The following RPL4 variants were observed in gnomAD, a reference collection of about 807,000 sequenced individuals.
RPL4 encodes ribosomal protein L4.
In RPL4, 3 loss-of-function variants were observed where a neutral mutation model predicts 47.7. The observed-to-expected ratio is 0.06, with a 90% CI of 0.03 to 0.16. The LOEUF (loss-of-function observed/expected upper bound fraction) is 0.16. Ranked by LOEUF, RPL4 falls within the 10% of genes least tolerant of loss-of-function variation. The pLI is 1.00. For synonymous variants in RPL4, 208 were observed against 182.1 expected (o/e 1.14, Z -1.15); for missense variants, 413 against 551.3 (o/e 0.75, Z 2.51).
chr15:66,502,014 G>A (rs74956204), intron 4 of RPL4, 102 bp from the exon 5 acceptor site: 312,669 of 1,433,570 alleles, frequency 0.22, 36,650 homozygotes, highest in Middle Eastern at 0.28. Context: ...ATGGTATTCC[G>A]TTTGCCAAGT....
Position 66,500,334 on chromosome 15 carries a change from G to C in RPL4, c.876C>G (p.Ile292Met). ...CTCTTTGGATCTCTGGGCTTTTCAAGATTCTGCTAAGATCTGTATTAATCA... is the reference window on the plus strand; with the variant it reads ...CTCTTTGGATCTCTGGGCTTTTCAACATTCTGCTAAGATCTGTATTAATCA... ...HKMINTDLSR[I>M]LKSPEIQRAL... The change falls in exon 8 of 10, where the codon ATC becomes ATG. Residue 292 changes from isoleucine to methionine, a missense_variant. This residue lies in a region of RPL4 where 214 missense variants were observed against 304.2 expected (regional missense o/e 0.70). Coordinates refer to ENST00000307961, the MANE Select transcript of RPL4 (RefSeq NM_000968.4). 6.2e-7 allele frequency: 1 copy of C among 1,614,156 alleles called. No individual in the cohort carries two copies. The highest frequency in any genetic ancestry group is 8.5e-7 in the Non-Finnish European group (1 of 1,180,020).
rs1567035886 is a variant in RPL4, at chr15:66,503,920, AG to A, written c.4-392del. 4.6e-5 allele frequency among the ~76,000 whole-genome samples: 7 copies of A among 152,230 alleles called. No individual in the cohort carries two copies. In the South Asian group the frequency reaches 1.5e-3, roughly 32 times the overall value. On this transcript the variant is annotated intron_variant, in intron 1 of 9. Coordinates refer to ENST00000307961, the MANE Select transcript of RPL4 (RefSeq NM_000968.4). ...CCCTCTACTAAACACGTGTTTCCAAAGCTCACCAGTGGAAAGACTGGTGATA... is the reference window on the plus strand; with the variant it reads ...CCCTCTACTAAACACGTGTTTCCAAACTCACCAGTGGAAAGACTGGTGATA...
At position 66,499,263 on chromosome 15, in the gene RPL4, A is replaced by G. The variant is rs28708806; in HGVS notation, c.*144T>C. 333,741 of 1,029,066 alleles carry G rather than the reference A, an allele frequency of 0.32. 56,154 individuals are homozygous for G. The highest frequency in any genetic ancestry group is 0.37 in the South Asian group (23,318 of 62,776). The allele number at this position is 1,029,066 out of a possible 1,614,324, so 63.7% of individuals were successfully genotyped here. Reference sequence around the variant, plus strand: ...AATGTAACAGTCTAAATTATGGCCAACAAAATGTCACTTTAAAAAAATTCT... The same window carrying G: ...AATGTAACAGTCTAAATTATGGCCAGCAAAATGTCACTTTAAAAAAATTCT... On this transcript the variant is annotated 3_prime_UTR_variant, in exon 10 of 10. Coordinates refer to ENST00000307961, the MANE Select transcript of RPL4 (RefSeq NM_000968.4).
intron 8 of RPL4, 48 bp downstream of exon 8, chr15:66,500,242 AACC>A: frequency 6.2e-7 from 1 of 1,613,630 alleles, no homozygotes; most frequent in South Asian, 1.1e-5. Context: ...TTTTTGAAAC[AACC>A]AATAGTATAG....
In RPL4 at chr15:66,499,966, T is replaced by C. The variant is rs1893576218; in HGVS notation, c.1038+90A>G. 21 of 1,494,630 alleles carry C rather than the reference T, an allele frequency of 1.4e-5. No homozygotes were observed. In the Admixed American group the frequency reaches 3.7e-4, roughly 27 times the overall value. 92.6% of individuals were successfully genotyped at this position (1,494,630 alleles called of 1,614,324 possible). A position where few individuals can be genotyped will look rare whatever the true frequency, so the allele number is the denominator to read the frequency against. ...TGAACTTGGTAGGTGGAGGTTGCAG[T>C]GAGCTGAGATCACGCCATTGCACTC... is the stretch of plus-strand genomic sequence containing the variant. On this transcript the variant is annotated intron_variant, in intron 9 of 9. Coordinates refer to ENST00000307961, the MANE Select transcript of RPL4 (RefSeq NM_000968.4).
In RPL4 at chr15:66,498,509, A is replaced by C. The variant is rs1893524222; in HGVS notation, c.*898T>G. 1 of 152,214 alleles carries C rather than the reference A, an allele frequency of 6.6e-6. No individual in the cohort carries two copies. The highest frequency in any genetic ancestry group is 2.4e-5 in the African/African-American group (1 of 41,456). The allele number at this position is 152,214 out of a possible 1,614,324, so 9.4% of individuals were successfully genotyped here. On this transcript the variant is annotated 3_prime_UTR_variant, in exon 10 of 10. Transcript: ENST00000307961. ...CAGTTTAGCTTTATGGGTAAAAAAA[A>C]ACACCCTTATATCTGGAGGCATTTC...
intron 4 of RPL4, chr15:66,502,125 G>T: frequency 1.4e-6 from 1 of 714,342 alleles, no homozygotes; most frequent in Non-Finnish European, 2.5e-6. Flanking sequence ...TACGCAACAG[G>T]CAAGTTTAAG....
Position 66,501,096 on chromosome 15 carries a change from A to G in RPL4, c.686T>C (p.Leu229Pro), listed in dbSNP as rs1236324066. 2 of 1,610,064 alleles carry G rather than the reference A, an allele frequency of 1.2e-6. No individual in the cohort carries two copies. Among genetic ancestry groups the G allele is most frequent in the Admixed American group, 1.7e-5 (1 of 58,886 alleles). Residue 229 changes from leucine to proline, a missense_variant, in exon 7 of 10, where the codon CTG (leucine) becomes CCG (proline). This residue lies in a region of RPL4 where 214 missense variants were observed against 304.2 expected (regional missense o/e 0.70). Transcript: ENST00000307961. Reference protein sequence around the residue: ...KAFRNIPGITLLNVSKLNILK... With the variant: ...KAFRNIPGITPLNVSKLNILK... ...AATGTTCAGCTTGCTTACATTAAGC[A>G]GAGTAATTCCTTTTAAAGGGAAAGA...
intron 7 of RPL4, 186 bp from the exon 8 acceptor site, chr15:66,500,562 G>A: frequency 4.9e-6 from 3 of 608,050 alleles, no homozygotes; most frequent in Non-Finnish European, 5.7e-6. Context: ...GGGAGGCCGA[G>A]GCGGGTGGAT....
rs758826854 is a variant in RPL4, at chr15:66,502,872, C to G, written c.283-122G>C. The G allele has an allele frequency of 2.7e-6, 4 of 1,484,770 alleles. No homozygotes were observed. In the South Asian group the frequency reaches 4.6e-5, roughly 17 times the overall value. 92.0% of individuals were successfully genotyped at this position (1,484,770 alleles called of 1,614,324 possible). On this transcript the variant is annotated intron_variant, in intron 3 of 9. Transcript: ENST00000307961. ...GCTTACTGACAGCAGGCAACTGTCG[C>G]TGAGAACAGAGTAAGACGCAAATTA...
chr15:66,502,561 G>C (rs531366333), intron 4 of RPL4, 51 bp downstream of exon 4: 7 of 1,576,736 alleles, frequency 4.4e-6, no homozygotes, highest in South Asian at 1.1e-5. Flanking sequence ...TGATCAAATA[G>C]TAGGTGTCTT....
intron 6 of RPL4, 101 bp from the exon 7 acceptor site, chr15:66,501,206 T>C: frequency 6.4e-7 from 1 of 1,559,732 alleles, no homozygotes; most frequent in Non-Finnish European, 8.8e-7. Flanking sequence ...GAGAACTTAT[T>C]AATTATGAAG....
chr15:66,502,480 T>C (rs1249912703), intron 4 of RPL4, 132 bp downstream of exon 4: 29 of 972,350 alleles, frequency 3.0e-5, no homozygotes, highest in Non-Finnish European at 3.3e-5. Context: ...AAATATTTTA[T>C]GCTAAAAACA....
chr15:66,501,007 T>C lies in RPL4; in HGVS notation c.775A>G (p.Lys259Glu). Residue 259 changes from lysine to glutamate, a missense_variant, in exon 7 of 10, where the codon AAG (lysine) becomes GAG (glutamate). Physicochemically the swap from Lys to Glu is moderately conservative, Grantham distance 56. Transcript: ENST00000307961. ...CAAGTGCCGTACAATTCATCTAACT[T>C]CCGGAAAGCACTTTCAGTCCAAATG... is the stretch of plus-strand genomic sequence containing the variant. ...FCIWTESAFR[K>E]LDELYGTWRK... The C allele has an allele frequency of 6.2e-7, 1 of 1,613,978 alleles. No individual in the cohort carries two copies. The highest frequency in any genetic ancestry group is 1.1e-5 in the South Asian group (1 of 91,082).
At position 66,499,274 on chromosome 15, in the gene RPL4, CT is replaced by C. The variant is rs1296598213; in HGVS notation, c.*132del. On this transcript the variant is annotated 3_prime_UTR_variant, in exon 10 of 10. Coordinates refer to ENST00000307961, the MANE Select transcript of RPL4 (RefSeq NM_000968.4). ...CTAAATTATGGCCAACAAAATGTCA[CT>C]TTAAAAAAATTCTAACCAAGCTTTA... is the stretch of plus-strand genomic sequence containing the variant. 39 of 1,183,948 alleles carry C rather than the reference CT, an allele frequency of 3.3e-5. No individual in the cohort carries two copies. Among genetic ancestry groups the C allele is most frequent in the Non-Finnish European group, 4.4e-5 (37 of 845,872 alleles). 73.3% of individuals were successfully genotyped at this position (1,183,948 alleles called of 1,614,324 possible).
At chr15:66,500,255 G>C in intron 8 of RPL4, 38 bp downstream of exon 8, 1 of 1,613,524 alleles carries the variant, frequency 6.2e-7, no homozygotes, top group Non-Finnish European at 8.5e-7. Context: ...CAATAGTATA[G>C]GGTTGGGGCG....
chr15:66,499,890 G>A, intron 9 of RPL4, 166 bp downstream of exon 9: 1 of 948,172 alleles, frequency 1.1e-6, no homozygotes. Context: ...GGACATGGTG[G>A]CGTGCGCCTG....
chr15:66,501,417 T>C lies in RPL4; in HGVS notation c.634A>G (p.Asn212Asp). The C allele has an allele frequency of 6.2e-7, 1 of 1,614,142 alleles. No individual in the cohort carries two copies. The highest frequency in any genetic ancestry group is 1.1e-5 in the South Asian group (1 of 91,078). Residue 212 changes from asparagine (N) to aspartate (D), a missense_variant, in exon 6 of 10, where the codon AAT becomes GAT. By Grantham distance (23) the Asn-to-Asp change is conservative. This residue lies in a region of RPL4 where 214 missense variants were observed against 304.2 expected (regional missense o/e 0.70). Coordinates refer to ENST00000307961, the MANE Select transcript of RPL4 (RefSeq NM_000968.4). The stretch of plus-strand genomic sequence containing the variant: ...GCCTTGATGATACCATTATCCTCAT[T>C]ATAGATGATGCACGGGCCCCTGCGC... ...IQRRGPCIIYNEDNGIIKAFR... is the reference protein window; with the variant it reads ...IQRRGPCIIYDEDNGIIKAFR...
chr15:66,501,572 A>C, intron 5 of RPL4, 68 bp from the exon 6 acceptor site: 1 of 1,595,386 alleles, frequency 6.3e-7, no homozygotes, highest in East Asian at 2.2e-5. Flanking sequence ...CAGAGTTTTA[A>C]TTCCTTTTTA....
Sources: gnomAD v4.1 joint callset for allele counts (sites outside exome capture counted in the v4.1 genomes callset) on GRCh38, gnomAD v4.1.1 for gene constraint, gnomAD v4.1.1 regional missense constraint, MANE v1.5 for transcripts, NCBI Gene and HGNC (gene_info 2026-07-23, HGNC 2026-07-21) for gene names.